The following MYO1E variants were observed in gnomAD, a reference collection of about 807,000 sequenced individuals.
The protein encoded by MYO1E is unconventional myosin-Ie.
MYO1E carries 68 observed loss-of-function variants against 151.1 expected under a neutral mutation model. That is an observed-to-expected ratio of 0.45 (90% CI 0.37 to 0.55). The LOEUF (loss-of-function observed/expected upper bound fraction) is 0.55. Ranked by LOEUF, MYO1E falls within the 20% of genes least tolerant of loss-of-function variation. The pLI is 0.00. For missense variants in MYO1E, 1,363 were observed against 1,389.3 expected (o/e 0.98, Z 0.30); for synonymous variants, 601 against 501.7 (o/e 1.20, Z -2.64).
intron 19 of MYO1E, among the ~76,000 whole-genome samples, chr15:59,176,449 CTTTTTTTT>C (rs68139054): frequency 3.6e-5 from 4 of 111,982 alleles, no homozygotes; most frequent in Non-Finnish European, 5.9e-5. Flanking sequence ...TTTCTTTTTC[CTTTTTTTT>C]TTTTTTTTCT....
intron 1 of MYO1E, among the ~76,000 whole-genome samples, chr15:59,311,924 G>A (rs1339860231): frequency 6.6e-6 from 1 of 152,078 alleles, no homozygotes; most frequent in Non-Finnish European, 1.5e-5. Flanking sequence ...CTGCCGTGTT[G>A]AAGCAGCAAG....
chr15:59,281,244 CA>C (rs1404485617), intron 1 of MYO1E, among the ~76,000 whole-genome samples: 1 of 152,030 alleles, frequency 6.6e-6, no homozygotes, highest in Non-Finnish European at 1.5e-5. Flanking sequence ...TGACTTTCCC[CA>C]TGACTTTTCC....
chr15:59,361,248 T>C (rs2080883896), intron 1 of MYO1E, among the ~76,000 whole-genome samples: 1 of 152,208 alleles, frequency 6.6e-6, no homozygotes, highest in South Asian at 2.1e-4. Context: ...AGACCAGAAC[T>C]GCCACGCCAG....
chr15:59,158,475 A>G, intron 24 of MYO1E, 96 bp from the exon 25 acceptor site: 3 of 925,886 alleles, frequency 3.2e-6, no homozygotes, highest in Non-Finnish European at 5.2e-6. Flanking sequence ...AGAAGCTTGG[A>G]TTCCAGCTCT....
chr15:59,372,325 C>T (rs2080951514), intron 1 of MYO1E, among the ~76,000 whole-genome samples, 173 bp downstream of exon 1: 1 of 152,208 alleles, frequency 6.6e-6, no homozygotes, highest in Admixed American at 6.5e-5. Context: ...TCGCTCTCCC[C>T]CGGCCCGGGT....
intron 4 of MYO1E, among the ~76,000 whole-genome samples, chr15:59,240,907 G>A (rs532590354): frequency 1.3e-5 from 2 of 152,360 alleles, no homozygotes; most frequent in East Asian, 1.9e-4. Flanking sequence ...CCGAAGGCCA[G>A]AATGAGATGT....
At chr15:59,201,575 T>C (rs1596362442) in intron 16 of MYO1E, among the ~76,000 whole-genome samples, 1 of 152,194 alleles carries the variant, frequency 6.6e-6, no homozygotes, top group East Asian at 1.9e-4. Context: ...TGGCTAATTT[T>C]GTATTTTTAG....
At chr15:59,272,550 T>G (rs780357026) in intron 1 of MYO1E, 101 bp from the exon 2 acceptor site, 8 of 1,300,054 alleles carry the variant, frequency 6.2e-6, no homozygotes, top group Non-Finnish European at 6.6e-6. Flanking sequence ...AAATAAAATG[T>G]AGCAGAAAGA....
chr15:59,211,185 G>A (rs1231797368), intron 12 of MYO1E, among the ~76,000 whole-genome samples: 1 of 142,790 alleles, frequency 7.0e-6, no homozygotes, highest in Non-Finnish European at 1.5e-5. Context: ...GGATGACAGA[G>A]CGAAACTCCA....
At chr15:59,293,224 G>A (rs2080430070) in intron 1 of MYO1E, among the ~76,000 whole-genome samples, 1 of 152,160 alleles carries the variant, frequency 6.6e-6, no homozygotes, top group Admixed American at 6.5e-5. Flanking sequence ...TCCCAGTTAA[G>A]TTTATTGAGG....
chr15:59,202,213 TA>T, intron 16 of MYO1E, 112 bp downstream of exon 16: 1 of 898,056 alleles, frequency 1.1e-6, no homozygotes, highest in Non-Finnish European at 1.8e-6. Context: ...GCATCTTCTG[TA>T]ACCACCTCCT....
chr15:59,312,300 GA>G (rs1416292206), intron 1 of MYO1E, among the ~76,000 whole-genome samples: 3 of 152,146 alleles, frequency 2.0e-5, no homozygotes, highest in African/African-American at 7.2e-5. Context: ...TTTTACAACT[GA>G]AAGAGTTCAG....
chr15:59,249,235 A>T (rs1345896209), intron 4 of MYO1E, among the ~76,000 whole-genome samples: 1 of 152,188 alleles, frequency 6.6e-6, no homozygotes, highest in Non-Finnish European at 1.5e-5. Context: ...CACCCTGGCC[A>T]ACATGGTGAA....
rs551904258 is a variant in MYO1E at position 59,137,199 on chromosome 15, A to C, written c.*181T>G. ...GGCTACCTTTTAGGATCACTTATGG[A>C]GTGATACTCCCTGTCCCCAACCCAG... On this transcript the variant is annotated 3_prime_UTR_variant, in exon 28 of 28. Transcript: ENST00000288235. 1 of 644,096 alleles carries C rather than the reference A, an allele frequency of 1.6e-6. No homozygotes were observed. The highest frequency in any genetic ancestry group is 1.8e-5 in the South Asian group (1 of 56,310). 39.9% of individuals were successfully genotyped at this position (644,096 alleles called of 1,614,324 possible).
intron 1 of MYO1E, among the ~76,000 whole-genome samples, chr15:59,324,762 T>C (rs2080652763): frequency 6.6e-6 from 1 of 151,336 alleles, no homozygotes; most frequent in South Asian, 2.1e-4. Context: ...TGAGGGGACC[T>C]GAGGAGTAAA....
chr15:59,281,697 A>G (rs1320799586), intron 1 of MYO1E, among the ~76,000 whole-genome samples: 4 of 152,244 alleles, frequency 2.6e-5, no homozygotes, highest in African/African-American at 9.6e-5. Flanking sequence ...AAATTTTTCT[A>G]TAAATGGTCC....
At chr15:59,241,154 G>A (rs6494081) in intron 4 of MYO1E, among the ~76,000 whole-genome samples, 119,125 of 152,082 alleles carry the variant, frequency 0.78, 47,208 homozygotes, top group Non-Finnish European at 0.85. Context: ...GTCAGGGGCT[G>A]GGATGAAGCC....
chr15:59,321,274 G>A (rs1386361242), intron 1 of MYO1E, among the ~76,000 whole-genome samples: 1 of 152,214 alleles, frequency 6.6e-6, no homozygotes, highest in Non-Finnish European at 1.5e-5. Context: ...GCAGCTGGGA[G>A]ATTTCTCAAA....
chr15:59,150,723 A>T, intron 26 of MYO1E, among the ~76,000 whole-genome samples: 1 of 152,142 alleles, frequency 6.6e-6, no homozygotes, highest in East Asian at 1.9e-4. Flanking sequence ...GGCTTTATCA[A>T]TCAGACTACA....
Sources: gnomAD v4.1 joint callset for allele counts (sites outside exome capture counted in the v4.1 genomes callset) on GRCh38, gnomAD v4.1.1 for gene constraint, MANE v1.5 for transcripts, NCBI Gene and HGNC (gene_info 2026-07-23, HGNC 2026-07-21) for gene names.